Variants in MTF2 observed in about 807,000 individuals in gnomAD.
MTF2 encodes the protein metal-response element-binding transcription factor 2.
MTF2 carries 11 observed loss-of-function variants against 79.5 expected under a neutral mutation model. That is an observed-to-expected ratio of 0.14 (90% CI 0.09 to 0.23). The LOEUF is 0.23. Ranked by LOEUF, MTF2 falls within the 10% of genes least tolerant of loss-of-function variation. MTF2 has a pLI of 1.00. For missense variants in MTF2, 486 were observed against 711.2 expected, an observed-to-expected ratio of 0.68 and a Z score of 3.60; for synonymous variants, 208 against 232.8, an observed-to-expected ratio of 0.89 and a Z score of 0.97.
chr1:93,090,951 C>G (rs1424871280), intron 1 of MTF2, among the ~76,000 whole-genome samples: 2 of 152,178 alleles, frequency 1.3e-5, no homozygotes, highest in Non-Finnish European at 2.9e-5. Context: ...GCGTGAGCCA[C>G]CGCACCCAGC....
chr1:93,113,413 A>G (rs771768403), intron 3 of MTF2, among the ~76,000 whole-genome samples: 3 of 152,080 alleles, frequency 2.0e-5, no homozygotes, highest in Non-Finnish European at 4.4e-5. Context: ...ACAAAGCAGA[A>G]GAGAGAGGAT....
chr1:93,090,390 G>A (rs1473059147), intron 1 of MTF2, among the ~76,000 whole-genome samples: 3 of 152,124 alleles, frequency 2.0e-5, no homozygotes, highest in Non-Finnish European at 4.4e-5. Flanking sequence ...GGGATTACAG[G>A]CGTGAGCCAC....
chr1:93,137,062 A>C lies in MTF2; in HGVS notation c.*35A>C, dbSNP rs1331999050. The C allele has an allele frequency of 1.3e-6, 2 of 1,553,638 alleles. No individual in the cohort carries two copies. The highest frequency in any genetic ancestry group is 1.7e-5 in the Admixed American group (1 of 58,734). ...TGAACATTATGTTCACTGCACTCTGATTTTCTGTAGGTACAGTTCAAAGCC... is the reference window on the plus strand; with the variant it reads ...TGAACATTATGTTCACTGCACTCTGCTTTTCTGTAGGTACAGTTCAAAGCC... On this transcript the variant is annotated 3_prime_UTR_variant, in exon 15 of 15. Coordinates refer to ENST00000370298, the MANE Select transcript of MTF2 (RefSeq NM_007358.4).
In MTF2 at chr1:93,133,717, G is replaced by A; in HGVS notation, c.1175G>A (p.Gly392Asp). The change falls in exon 12 of 15, where the codon GGC (glycine) becomes GAC (aspartate). Residue 392 changes from glycine to aspartate, a missense_variant. By Grantham distance (94) the Gly-to-Asp change is moderately conservative. Coordinates refer to ENST00000370298, the MANE Select transcript of MTF2 (RefSeq NM_007358.4). The stretch of plus-strand genomic sequence containing the variant: ...TTCCATTTCAGGGAAGTAAGCAATG[G>A]CATAGAAAAAAAAGGAAAGAAAAAA... ...PISDSREVSN[G>D]IEKKGKKKSV... 1.9e-6 allele frequency: 3 copies of A among 1,609,748 alleles called. No individual in the cohort carries two copies. The highest frequency in any genetic ancestry group is 2.2e-5 in the East Asian group (1 of 44,770).
At chr1:93,119,493 A>C in intron 8 of MTF2, 92 bp downstream of exon 8, 1 of 903,926 alleles carries the variant, frequency 1.1e-6, no homozygotes, top group Non-Finnish European at 1.7e-6. Context: ...TGGCTTAAGT[A>C]AAAATAGGTT....
At chr1:93,121,044 ATTCT>A in intron 9 of MTF2, 5 of 1,022,516 alleles carry the variant, frequency 4.9e-6, no homozygotes, top group Non-Finnish European at 5.9e-6. Flanking sequence ...TATAACCAAC[ATTCT>A]TCCTTCCTCT....
intron 9 of MTF2, among the ~76,000 whole-genome samples, chr1:93,124,856 A>G (rs1656627454): frequency 6.6e-6 from 1 of 151,970 alleles, no homozygotes; most frequent in African/African-American, 2.4e-5. Context: ...TTGGAGATTT[A>G]TATAATAAAC....
intron 14 of MTF2, among the ~76,000 whole-genome samples, chr1:93,136,069 A>G (rs755250297): frequency 1.3e-5 from 2 of 152,196 alleles, no homozygotes; most frequent in African/African-American, 2.4e-5. Context: ...CACATTATCC[A>G]GTCTAACCCC....
At position 93,137,176 on chromosome 1, in the gene MTF2, T is replaced by C. The variant is rs984733627; in HGVS notation, c.*149T>C. On this transcript the variant is annotated 3_prime_UTR_variant, in exon 15 of 15. Transcript: ENST00000370298. The stretch of plus-strand genomic sequence containing the variant: ...AGGGGATGATACTAGCCTTAACATG[T>C]ACCTGTCAATGTTATGGATATTGTC... The C allele has an allele frequency of 5.2e-6, 3 of 572,712 alleles. No homozygotes were observed. In the African/African-American group the frequency reaches 5.6e-5, roughly 11 times the overall value. 35.5% of individuals were successfully genotyped at this position (572,712 alleles called of 1,614,324 possible).
chr1:93,110,190 A>G (rs748024485), intron 1 of MTF2, 40 bp from the exon 2 acceptor site: 24 of 1,569,326 alleles, frequency 1.5e-5, no homozygotes, highest in Middle Eastern at 1.7e-4. Context: ...AATAAGCTCT[A>G]CAAGTAAGTC....
intron 1 of MTF2, among the ~76,000 whole-genome samples, chr1:93,102,246 A>T (rs978390095): frequency 1.4e-4 from 22 of 152,238 alleles, no homozygotes; most frequent in Non-Finnish European, 3.1e-4. Flanking sequence ...CATGACAGTG[A>T]TTAACATTTC....
At chr1:93,125,446 G>A (rs900255508) in intron 9 of MTF2, among the ~76,000 whole-genome samples, 1 of 151,896 alleles carries the variant, frequency 6.6e-6, no homozygotes, top group African/African-American at 2.4e-5. Context: ...TGGAAAAACA[G>A]TAACAAAGTC....
chr1:93,089,080 G>A (rs1199152417), intron 1 of MTF2, among the ~76,000 whole-genome samples: 1 of 152,086 alleles, frequency 6.6e-6, no homozygotes, highest in East Asian at 1.9e-4. Flanking sequence ...CACTGACATT[G>A]TAAACACCTC....
intron 14 of MTF2, among the ~76,000 whole-genome samples, chr1:93,134,990 G>T (rs1413126654): frequency 2.0e-5 from 3 of 151,546 alleles, no homozygotes; most frequent in Non-Finnish European, 4.4e-5. Context: ...TTTTTTTTGA[G>T]ATGGAGTCTC....
At chr1:93,102,046 T>C (rs1032360257) in intron 1 of MTF2, among the ~76,000 whole-genome samples, 3 of 152,306 alleles carry the variant, frequency 2.0e-5, no homozygotes, top group Admixed American at 2.0e-4. Flanking sequence ...GCAGTTTGAA[T>C]CTGAGATGAG....
chr1:93,119,050 A>T (rs959799538), intron 7 of MTF2, among the ~76,000 whole-genome samples: 1 of 152,246 alleles, frequency 6.6e-6, no homozygotes, highest in African/African-American at 2.4e-5. Flanking sequence ...CACACAAGCG[A>T]TTAGTAAACT....
intron 1 of MTF2, among the ~76,000 whole-genome samples, chr1:93,109,660 G>A (rs1655953991): frequency 6.6e-6 from 1 of 152,032 alleles, no homozygotes; most frequent in Non-Finnish European, 1.5e-5. Flanking sequence ...TGTCTATAAT[G>A]TAATGAAATT....
chr1:93,134,152 A>C lies in MTF2; in HGVS notation c.1381A>C (p.Ser461Arg). Reference sequence around the variant, plus strand: ...AGATGTGGATTTCACGGGTGCTTCCAGTGCAAAAGAAACTACCTCGTCTAG... The same window carrying C: ...AGATGTGGATTTCACGGGTGCTTCCCGTGCAAAAGAAACTACCTCGTCTAG... ...TSDVDFTGASSAKETTSSSIS... is the reference protein window; with the variant it reads ...TSDVDFTGASRAKETTSSSIS... The change falls in exon 14 of 15, where the codon AGT becomes CGT. Residue 461 changes from serine to arginine, a missense_variant. By Grantham distance (110) the Ser-to-Arg change is moderately radical (BLOSUM62 -1). Around this residue, in one of 4 missense-constraint regions of MTF2, gnomAD observed 209 missense variants for 206.5 expected, o/e 1.01. Coordinates refer to ENST00000370298, the MANE Select transcript of MTF2 (RefSeq NM_007358.4). 6.2e-7 allele frequency: 1 copy of C among 1,613,632 alleles called. No homozygotes were observed. The highest frequency in any genetic ancestry group is 8.5e-7 in the Non-Finnish European group (1 of 1,179,690).
chr1:93,134,964 T>C (rs1279305640), intron 14 of MTF2, among the ~76,000 whole-genome samples: 1 of 152,048 alleles, frequency 6.6e-6, no homozygotes, highest in Non-Finnish European at 1.5e-5. Flanking sequence ...GGACAACGTT[T>C]TTGTTTATTG....
Sources: gnomAD v4.1 joint callset for allele counts (sites outside exome capture counted in the v4.1 genomes callset) on GRCh38, gnomAD v4.1.1 for gene constraint, gnomAD v4.1.1 regional missense constraint, MANE v1.5 for transcripts, NCBI Gene and HGNC (gene_info 2026-07-23, HGNC 2026-07-21) for gene names.